ROBO2: variants seen among roughly 807,000 people sequenced by gnomAD.
ROBO2 encodes the protein roundabout guidance receptor 2.
ROBO2 carries 53 observed loss-of-function variants against 160.8 expected under a neutral mutation model. The observed-to-expected ratio is 0.33, with a 90% CI of 0.26 to 0.41. The LOEUF is 0.41. Among genes scored for constraint, ROBO2 ranks in the 10% least tolerant of loss-of-function variants. The pLI is 1.00. For missense variants in ROBO2, 1,577 were observed against 1,722.4 expected (o/e 0.92, Z 1.49); for synonymous variants, 664 against 611.7 (o/e 1.09, Z -1.26).
chr3:76,257,184 CAG>C (rs1706450224), intron 2 of ROBO2, among the ~76,000 whole-genome samples: 1 of 152,090 alleles, frequency 6.6e-6, no homozygotes, highest in Non-Finnish European at 1.5e-5. Flanking sequence ...GAGACTTGGC[CAG>C]AATATACAAT....
intron 2 of ROBO2, among the ~76,000 whole-genome samples, chr3:77,412,186 C>G (rs2076858987): frequency 6.6e-6 from 1 of 152,128 alleles, no homozygotes; most frequent in African/African-American, 2.4e-5. Context: ...GACAGCAAGC[C>G]AAAGACATCT....
chr3:77,621,455 A>ATAAG (rs2094898828), intron 22 of ROBO2, among the ~76,000 whole-genome samples: 1 of 151,872 alleles, frequency 6.6e-6, no homozygotes, highest in Non-Finnish European at 1.5e-5. Context: ...AAATAAATAA[A>ATAAG]TAAATGAGGG....
intron 2 of ROBO2, among the ~76,000 whole-genome samples, chr3:76,649,016 AG>A (rs2091123422): frequency 6.6e-6 from 1 of 152,142 alleles, no homozygotes; most frequent in African/African-American, 2.4e-5. Flanking sequence ...TTAATGATGC[AG>A]TACGTCAGGA....
chr3:76,459,891 TAAC>T (rs909804459), intron 2 of ROBO2, among the ~76,000 whole-genome samples: 1 of 152,092 alleles, frequency 6.6e-6, no homozygotes, highest in African/African-American at 2.4e-5. Context: ...ACAAAAATAA[TAAC>T]TTCTCCAAAT....
intron 2 of ROBO2, among the ~76,000 whole-genome samples, chr3:76,631,685 G>T (rs1486873195): frequency 6.6e-6 from 1 of 152,120 alleles, no homozygotes; most frequent in Non-Finnish European, 1.5e-5. Flanking sequence ...CATGGTCAGG[G>T]TGTCAGATGT....
At chr3:77,301,547 A>G (rs2062657297) in intron 2 of ROBO2, among the ~76,000 whole-genome samples, 1 of 152,228 alleles carries the variant, frequency 6.6e-6, no homozygotes, top group Admixed American at 6.5e-5. Context: ...CACTTATCAA[A>G]TATTTAAAAT....
At chr3:76,457,951 C>T (rs1421920273) in intron 2 of ROBO2, among the ~76,000 whole-genome samples, 1 of 152,106 alleles carries the variant, frequency 6.6e-6, no homozygotes, top group East Asian at 1.9e-4. Flanking sequence ...AACCCTGGAC[C>T]TGGCCCACGA....
chr3:76,923,469 A>G (rs1456490601), intron 2 of ROBO2, among the ~76,000 whole-genome samples: 5 of 152,236 alleles, frequency 3.3e-5, no homozygotes, highest in Admixed American at 6.5e-5. Flanking sequence ...GATTGTTATT[A>G]GCAAAATAGA....
At position 77,401,141 on chromosome 3, in the gene ROBO2, T is replaced by G. The variant is rs527331560; in HGVS notation, c.389-76273T>G. On this transcript the variant is annotated intron_variant, in intron 2 of 25. Transcript: ENST00000461745. Reference sequence around the variant, plus strand: ...TGTCAAGAAATGTCATGCCTTTGTTTAGATTACTTCCTCATCAGTCCTTGC... The same window carrying G: ...TGTCAAGAAATGTCATGCCTTTGTTGAGATTACTTCCTCATCAGTCCTTGC... Among the ~76,000 whole-genome samples, 12 of 152,212 alleles carry G rather than the reference T, an allele frequency of 7.9e-5. No homozygotes were observed. In the South Asian group the frequency reaches 2.5e-3, roughly 32 times the overall value.
chr3:76,147,033 GGTGGTAAAATAATCT>G (rs1203517790), intron 2 of ROBO2, among the ~76,000 whole-genome samples: 1 of 150,922 alleles, frequency 6.6e-6, no homozygotes, highest in Non-Finnish European at 1.5e-5. Context: ...TTAACACATG[GGTGGTAAAATAATCT>G]GTACAGCAAA....
At chr3:77,082,729 A>G (rs1158059824) in intron 1 of ROBO2, among the ~76,000 whole-genome samples, 2 of 151,494 alleles carry the variant, frequency 1.3e-5, no homozygotes, top group South Asian at 2.1e-4. Context: ...TACACACACA[A>G]TAGTGTATTG....
At chr3:76,819,465 C>T (rs2065938399) in intron 2 of ROBO2, among the ~76,000 whole-genome samples, 1 of 152,048 alleles carries the variant, frequency 6.6e-6, no homozygotes, top group Non-Finnish European at 1.5e-5. Flanking sequence ...ACTCTGAGTG[C>T]TGTCCTTTAA....
intron 2 of ROBO2, among the ~76,000 whole-genome samples, chr3:77,325,479 G>T (rs2065284473): frequency 6.6e-6 from 1 of 152,206 alleles, no homozygotes; most frequent in Admixed American, 6.5e-5. Context: ...GCTGTCTGGT[G>T]CCATGGGGGC....
At chr3:76,144,530 A>G (rs2071813162) in intron 2 of ROBO2, among the ~76,000 whole-genome samples, 1 of 152,098 alleles carries the variant, frequency 6.6e-6, no homozygotes, top group Non-Finnish European at 1.5e-5. Flanking sequence ...AGATGGGTTT[A>G]TACATCCCTA....
At chr3:77,086,938 A>G (rs1202657272) in intron 1 of ROBO2, among the ~76,000 whole-genome samples, 1 of 152,198 alleles carries the variant, frequency 6.6e-6, no homozygotes, top group African/African-American at 2.4e-5. Context: ...ATTTTGGGGT[A>G]CAGGAAAATT....
At chr3:76,012,441 T>C (rs984776601) in intron 2 of ROBO2, among the ~76,000 whole-genome samples, 1 of 152,226 alleles carries the variant, frequency 6.6e-6, no homozygotes, top group Non-Finnish European at 1.5e-5. Flanking sequence ...TTTGATGAGA[T>C]AAAATATACA....
In ROBO2 at chr3:77,644,807, C is replaced by T. The variant is rs201527229; in HGVS notation, c.4038C>T (p.Thr1346=). ...AGGGATCCACTGGACCTAGGAAAAC[C>T]GAGGTGTTGAGAGCAGGCCACCAGC... Residue 1346 remains threonine, a synonymous_variant, in exon 25 of 26, where the codon ACC becomes ACT. Coordinates refer to ENST00000461745, the Ensembl canonical transcript of ROBO2. 226 of 1,613,990 alleles carry T rather than the reference C, an allele frequency of 1.4e-4. No individual in the cohort carries two copies. In the African/African-American group the frequency reaches 2.1e-3, roughly 15 times the overall value.
intron 2 of ROBO2, among the ~76,000 whole-genome samples, chr3:77,200,267 TTATATATATATATATATATATATA>T (rs144644165): frequency 0.023 from 1,085 of 46,600 alleles, 40 homozygotes; most frequent in African/African-American, 0.05. Context: ...CTAACATATT[TTATATATATATATATATATATATA>T]TATATATATA....
intron 1 of ROBO2, among the ~76,000 whole-genome samples, chr3:77,083,604 G>A (rs2149952936): frequency 6.6e-6 from 1 of 152,228 alleles, no homozygotes; most frequent in Admixed American, 6.5e-5. Flanking sequence ...TATGTCGAGA[G>A]ACACAGATGG....
Sources: gnomAD v4.1 joint callset for allele counts (sites outside exome capture counted in the v4.1 genomes callset) on GRCh38, gnomAD v4.1.1 for gene constraint, MANE v1.5 for transcripts, NCBI Gene and HGNC (gene_info 2026-07-23, HGNC 2026-07-21) for gene names.